ZNF75D: variants seen among roughly 807,000 people sequenced by gnomAD.
ZNF75D encodes zinc finger protein 75D, also known as zinc finger protein 75.
In ZNF75D, 33 loss-of-function variants were observed where a neutral mutation model predicts 33.3. That is an observed-to-expected ratio of 0.99 (90% CI 0.75 to 1.32). The LOEUF (loss-of-function observed/expected upper bound fraction) is 1.32. ZNF75D is among the 40% of genes most tolerant of loss of function. ZNF75D has a pLI of 0.00. For synonymous variants in ZNF75D, 113 were observed against 130.6 expected, an observed-to-expected ratio of 0.87 and a Z score of 0.92; for missense variants, 338 against 367.5, an observed-to-expected ratio of 0.92 and a Z score of 0.66.
At chrX:135,282,769 G>A (rs1249860710), downstream of ZNF75D, among the ~76,000 whole-genome samples, 6 of 111,103 alleles carry the variant, frequency 5.4e-5, no homozygotes, top group African/African-American at 1.3e-4. Context: ...TGTACTTCCC[G>A]GGTAAGGTGA....
At chrX:135,303,119 C>T (rs1184029362) in intron 1 of ZNF75D, among the ~76,000 whole-genome samples, 4 of 111,439 alleles carry the variant, frequency 3.6e-5, no homozygotes, top group East Asian at 2.8e-4. Flanking sequence ...CCACCTCCAG[C>T]CCCAAGGCGG....
chrX:135,252,236 C>A (rs1556413664), intron 2 of ZNF75D: 1 of 105,207 alleles, frequency 9.5e-6, no homozygotes, highest in Non-Finnish European at 1.9e-5. Context: ...GATACAGAGA[C>A]ACTACAGAGC....
chrX:135,270,370 T>TATAC (rs2083878360), intron 1 of ZNF75D, among the ~76,000 whole-genome samples: 1 of 91,252 alleles, frequency 1.1e-5, no homozygotes, highest in Non-Finnish European at 2.3e-5. Flanking sequence ...TATATATATA[T>TATAC]ATATATATAT....
chrX:135,340,227 G>C (rs1248191818), intron 1 of ZNF75D, among the ~76,000 whole-genome samples: 5 of 112,131 alleles, frequency 4.5e-5, no homozygotes, highest in Non-Finnish European at 9.4e-5. Context: ...GTAAACACCT[G>C]TACACCCTCC....
intron 1 of ZNF75D, among the ~76,000 whole-genome samples, chrX:135,266,932 G>A (rs2083865091): frequency 9.0e-6 from 1 of 111,583 alleles, no homozygotes; most frequent in Non-Finnish European, 1.9e-5. Context: ...GACCACAATG[G>A]AATAAAACTA....
At chrX:135,270,352 C>CATAT (rs530211370) in intron 1 of ZNF75D, among the ~76,000 whole-genome samples, 1,603 of 63,216 alleles carry the variant, frequency 0.025, 36 homozygotes, top group Non-Finnish European at 0.04. Context: ...CAAAATATCT[C>CATAT]ATATATATAT....
chrX:135,326,144 C>T (rs1272881572), intron 1 of ZNF75D, among the ~76,000 whole-genome samples: 1 of 110,368 alleles, frequency 9.1e-6, no homozygotes, highest in African/African-American at 3.3e-5. Flanking sequence ...CCAATCAGCA[C>T]CCTGTGTCTA....
intron 1 of ZNF75D, among the ~76,000 whole-genome samples, chrX:135,301,227 C>T (rs1556424569): frequency 9.0e-6 from 1 of 111,554 alleles, no homozygotes. Flanking sequence ...CTCCATGATC[C>T]AATCGCTTCC....
chrX:135,265,479 G>T (rs781930238), intron 1 of ZNF75D, among the ~76,000 whole-genome samples: 1 of 111,342 alleles, frequency 9.0e-6, no homozygotes, highest in African/African-American at 3.3e-5. Context: ...AACAAATAAC[G>T]TACAATGGAG....
intron 1 of ZNF75D, among the ~76,000 whole-genome samples, chrX:135,277,553 G>A (rs782573138): frequency 2.7e-5 from 3 of 112,381 alleles, no homozygotes; most frequent in Non-Finnish European, 5.6e-5. Context: ...TAGCCATGAA[G>A]TATTTGCCCA....
intron 1 of ZNF75D, among the ~76,000 whole-genome samples, chrX:135,318,692 A>G (rs782248781): frequency 9.0e-6 from 1 of 111,665 alleles, no homozygotes; most frequent in African/African-American, 3.3e-5. Context: ...AACATATTCC[A>G]GACAAAAGAT....
intron 1 of ZNF75D, among the ~76,000 whole-genome samples, chrX:135,259,365 A>G (rs1344891500): frequency 1.8e-5 from 2 of 111,881 alleles, no homozygotes; most frequent in African/African-American, 3.3e-5. Flanking sequence ...GATGGCATTG[A>G]ATCTATAAAT....
chrX:135,281,209 G>T (rs1320409670), downstream of ZNF75D, among the ~76,000 whole-genome samples: 1 of 108,821 alleles, frequency 9.2e-6, no homozygotes, highest in Non-Finnish European at 1.9e-5. Flanking sequence ...CTCTAATCTT[G>T]TCTTCATGCT....
chrX:135,302,337 T>C (rs942982606), intron 1 of ZNF75D, among the ~76,000 whole-genome samples: 4 of 112,312 alleles, frequency 3.6e-5, no homozygotes, highest in Non-Finnish European at 3.8e-5. Context: ...GAGAGAGTTA[T>C]TGAAATCCAT....
chrX:135,277,505 G>T (rs1288040726), intron 1 of ZNF75D, among the ~76,000 whole-genome samples: 1 of 112,304 alleles, frequency 8.9e-6, no homozygotes, highest in Non-Finnish European at 1.9e-5. Context: ...GATCACATTT[G>T]TCAATTTTGG....
chrX:135,341,240 C>G (rs2084779997), intron 1 of ZNF75D, among the ~76,000 whole-genome samples: 1 of 111,931 alleles, frequency 8.9e-6, no homozygotes, highest in South Asian at 3.7e-4. Context: ...GGACTCCACT[C>G]CACTCCACTG....
chrX:135,257,472 A>G (rs2083809530), intron 1 of ZNF75D, among the ~76,000 whole-genome samples: 1 of 113,391 alleles, frequency 8.8e-6, no homozygotes, highest in Non-Finnish European at 1.9e-5. Context: ...ACTGTATCGT[A>G]GTTGGAGCGC....
chrX:135,287,387 T>C lies in ZNF75D; in HGVS notation c.1283A>G (p.Lys428Arg), dbSNP rs1305636628. ...IKPYRCSWCG[K>R]SFSHNTNLHT... is the part of the protein sequence containing the mutation. Reference sequence around the variant, plus strand: ...TAGATTTGTGTTATGACTAAAGCTTTTCCCACACCATGAGCATCTATATGG... The same window carrying C: ...TAGATTTGTGTTATGACTAAAGCTTCTCCCACACCATGAGCATCTATATGG... The change falls in exon 7 of 7, where the codon AAA becomes AGA. Residue 428 changes from lysine to arginine, a missense_variant. Physicochemically the swap from Lys to Arg is conservative, Grantham distance 26. Around this residue, in one of 3 missense-constraint regions of ZNF75D, gnomAD observed 79 missense variants for 80.1 expected, o/e 0.99. Coordinates refer to ENST00000370766, the MANE Select transcript of ZNF75D (RefSeq NM_007131.5). 1 of 1,210,257 alleles carries C rather than the reference T, an allele frequency of 8.3e-7. No homozygotes were observed. Among genetic ancestry groups the C allele is most frequent in the Non-Finnish European group, 1.1e-6 (1 of 895,074 alleles).
At position 135,286,165 on chromosome X, in the gene ZNF75D, C is replaced by T. The variant is rs1383624274; in HGVS notation, c.*972G>A. The T allele has an allele frequency of 8.9e-6, 1 of 112,062 alleles. No homozygotes were observed. The highest frequency in any genetic ancestry group is 1.9e-5 in the Non-Finnish European group (1 of 53,240). 9.2% of individuals were successfully genotyped at this position (112,062 alleles called of 1,213,427 possible). A position where few individuals can be genotyped will look rare whatever the true frequency, so the allele number is the denominator to read the frequency against. ...CAAAGCTAAAAGTTCACAAGGCTCT[C>T]CTTGCCATTCTCAATAAATCAGTTT... is the stretch of plus-strand genomic sequence containing the variant. On this transcript the variant is annotated 3_prime_UTR_variant, in exon 7 of 7. Transcript: ENST00000370766.
Sources: allele counts gnomAD v4.1 joint callset (sites outside exome capture counted in the v4.1 genomes callset), GRCh38; gene constraint gnomAD v4.1.1; regional missense constraint gnomAD v4.1.1; transcripts MANE v1.5; gene names NCBI Gene and HGNC (gene_info 2026-07-23, HGNC 2026-07-21).